SAMTOR: variants seen among roughly 807,000 people sequenced by gnomAD.
SAMTOR encodes UPF0532 protein C7orf60.
the SAMTOR span, chr7:112,820,290 C>T: frequency 7.2e-5 from 11 of 152,294 alleles, no homozygotes; most frequent in Non-Finnish European, 1.0e-4. Context: ...ACAATAAGCA[C>T]AAAAACATCA....
At chr7:112,933,480 G>A in the SAMTOR span, among the ~76,000 whole-genome samples, 1 of 152,108 alleles carries the variant, frequency 6.6e-6, no homozygotes, top group African/African-American at 2.4e-5. Flanking sequence ...GTGGTGCAGC[G>A]AGACTACCTA....
chr7:112,877,593 G>A, the SAMTOR span, among the ~76,000 whole-genome samples: 4 of 152,054 alleles, frequency 2.6e-5, no homozygotes, highest in Non-Finnish European at 5.9e-5. Flanking sequence ...CAATAAGAAT[G>A]GCATTCATAT....
chr7:112,862,022 G>A, the SAMTOR span, among the ~76,000 whole-genome samples: 1 of 152,204 alleles, frequency 6.6e-6, no homozygotes, highest in Non-Finnish European at 1.5e-5. Flanking sequence ...GGGAGGCTGA[G>A]GCAGGGTGGA....
chr7:112,936,469 C>A, the SAMTOR span, among the ~76,000 whole-genome samples: 1 of 152,150 alleles, frequency 6.6e-6, no homozygotes, highest in Non-Finnish European at 1.5e-5. Context: ...AGCCTACCTG[C>A]TACTCTTTAC....
At chr7:112,859,024 C>T in the SAMTOR span, among the ~76,000 whole-genome samples, 69 of 152,254 alleles carry the variant, frequency 4.5e-4, no homozygotes, top group African/African-American at 1.6e-3. Context: ...CTACTCTCTA[C>T]AATGTGGGTG....
the SAMTOR span, among the ~76,000 whole-genome samples, chr7:112,871,518 AG>A: frequency 6.6e-6 from 1 of 152,346 alleles, no homozygotes; most frequent in East Asian, 1.9e-4. Context: ...ATGCAGCAAA[AG>A]CAGCATTAAG....
At chr7:112,909,691 G>A in the SAMTOR span, among the ~76,000 whole-genome samples, 1 of 151,978 alleles carries the variant, frequency 6.6e-6, no homozygotes, top group Non-Finnish European at 1.5e-5. Flanking sequence ...AAAGGCTAAT[G>A]TATTAATGTA....
At chr7:112,864,686 G>A in the SAMTOR span, among the ~76,000 whole-genome samples, 3,473 of 152,274 alleles carry the variant, frequency 0.023, 67 homozygotes, top group Admixed American at 0.042. Flanking sequence ...TTTCTTTGGA[G>A]TCCAAAACCA....
the SAMTOR span, among the ~76,000 whole-genome samples, chr7:112,842,719 T>C: frequency 6.6e-6 from 1 of 152,130 alleles, no homozygotes; most frequent in African/African-American, 2.4e-5. Flanking sequence ...AGTGTTTTGT[T>C]ACTGTTCATT....
At chr7:112,869,773 AAACTC>A in the SAMTOR span, among the ~76,000 whole-genome samples, 21 of 152,326 alleles carry the variant, frequency 1.4e-4, no homozygotes, top group African/African-American at 4.6e-4. Flanking sequence ...GATGGCAAGA[AAACTC>A]AACAAGATTC....
the SAMTOR span, chr7:112,895,649 T>C: frequency 6.3e-7 from 1 of 1,598,796 alleles, no homozygotes; most frequent in Non-Finnish European, 8.6e-7. Context: ...TATTTAAGGC[T>C]GGAGTGGTCT....
At chr7:112,880,215 A>C in the SAMTOR span, among the ~76,000 whole-genome samples, 1 of 152,166 alleles carries the variant, frequency 6.6e-6, no homozygotes, top group East Asian at 1.9e-4. Flanking sequence ...CTGTTACTCA[A>C]ATGATTTGAA....
chr7:112,862,183 A>T, the SAMTOR span, among the ~76,000 whole-genome samples: 3 of 152,224 alleles, frequency 2.0e-5, no homozygotes, highest in Non-Finnish European at 1.5e-5. Flanking sequence ...TGAGCCCAGC[A>T]GGTGGAGGTT....
the SAMTOR span, among the ~76,000 whole-genome samples, chr7:112,921,219 A>G: frequency 6.6e-6 from 1 of 152,204 alleles, no homozygotes. Context: ...ACAGTAACCA[A>G]AACAGCATGG....
At chr7:112,858,546 ACTT>A in the SAMTOR span, among the ~76,000 whole-genome samples, 38 of 151,968 alleles carry the variant, frequency 2.5e-4, 2 homozygotes, top group East Asian at 2.5e-3. Context: ...ATGCTTAAAT[ACTT>A]CTTATTTATT....
the SAMTOR span, among the ~76,000 whole-genome samples, chr7:112,838,967 C>A: frequency 2.0e-5 from 3 of 151,818 alleles, no homozygotes; most frequent in Non-Finnish European, 1.5e-5. Context: ...GATGTCAAAG[C>A]AGTGACACCA....
chr7:112,865,623 C>T, the SAMTOR span, among the ~76,000 whole-genome samples: 1 of 144,538 alleles, frequency 6.9e-6, no homozygotes, highest in East Asian at 2.0e-4. Flanking sequence ...TACATATATT[C>T]ATATATATAT....
At chr7:112,885,048 A>C in the SAMTOR span, among the ~76,000 whole-genome samples, 1 of 152,322 alleles carries the variant, frequency 6.6e-6, no homozygotes, top group South Asian at 2.1e-4. Flanking sequence ...GAAGCCTTCA[A>C]GTCTTGGGAC....
chr7:112,870,127 A>G, the SAMTOR span, among the ~76,000 whole-genome samples: 1 of 152,194 alleles, frequency 6.6e-6, no homozygotes, highest in Non-Finnish European at 1.5e-5. Context: ...GAAAACATAC[A>G]TGAGGACATA....
Sources: allele counts gnomAD v4.1 joint callset (sites outside exome capture counted in the v4.1 genomes callset), GRCh38; gene constraint gnomAD v4.1.1; transcripts MANE v1.5; gene names NCBI Gene and HGNC (gene_info 2026-07-23, HGNC 2026-07-21).